EEA1: variants seen among roughly 807,000 people sequenced by gnomAD.
The protein encoded by EEA1 is early endosome antigen 1, 162kD.
EEA1 carries 111 observed loss-of-function variants against 209.2 expected under a neutral mutation model. That is an observed-to-expected ratio of 0.53 (90% CI 0.45 to 0.62). The LOEUF is 0.62. EEA1 is among the 20% of genes least tolerant of loss of function. The probability of loss-of-function intolerance (pLI) is 0.00; values close to 1 mark genes in which losing one functional copy is unlikely to be tolerated. For missense variants in EEA1, 1,343 were observed against 1,530.8 expected (o/e 0.88, Z 2.05); for synonymous variants, 536 against 540.6 (o/e 0.99, Z 0.12).
intron 1 of EEA1, 109 bp from the exon 2 acceptor site, chr12:92,891,830 T>C: frequency 1.4e-6 from 1 of 713,326 alleles, no homozygotes; most frequent in Non-Finnish European, 2.3e-6. Context: ...TAGATGTCTT[T>C]ACAATAATAA....
At chr12:92,801,085 G>A (rs1244904748) in intron 20 of EEA1, among the ~76,000 whole-genome samples, 1 of 152,084 alleles carries the variant, frequency 6.6e-6, no homozygotes, top group Non-Finnish European at 1.5e-5. Flanking sequence ...TTGCTTGTCT[G>A]TTTTTGCTGG....
In EEA1 at chr12:92,802,628, A is replaced by C; in HGVS notation, c.2446T>G (p.Phe816Val). The C allele has an allele frequency of 6.2e-7, 1 of 1,605,292 alleles. No homozygotes were observed. The highest frequency in any genetic ancestry group is 8.5e-7 in the Non-Finnish European group (1 of 1,177,492). ...EEEKKILKQD[F>V]ETLSQETKIQ... is the part of the protein sequence containing the mutation. ...TTTGTTTCTTGACTTAAAGTTTCAAAATCTTGTTTCAGGATTTTTTTTTCT... is the reference window on the plus strand; with the variant it reads ...TTTGTTTCTTGACTTAAAGTTTCAACATCTTGTTTCAGGATTTTTTTTTCT... The change falls in exon 19 of 29, where the codon TTT (phenylalanine) becomes GTT (valine). Residue 816 changes from phenylalanine to valine, a missense_variant. Physicochemically the swap from Phe to Val is conservative, Grantham distance 50. Transcript: ENST00000322349.
Position 92,816,156 on chromosome 12 carries a change from G to A in EEA1, c.1929+44C>T, listed in dbSNP as rs144188097. 1.2e-3 allele frequency: 1,757 copies of A among 1,514,206 alleles called. 18 individuals are homozygous for A. The African/African-American group carries it at 0.021, about 18-fold the overall frequency. The allele number at this position is 1,514,206 out of a possible 1,614,324, so 93.8% of individuals were successfully genotyped here. ...AGAAACAGAATTTAAAACATTTGAC[G>A]GTCTAAAACTGGTGCTTTACACAAA... On this transcript the variant is annotated intron_variant, in intron 15 of 28. Transcript: ENST00000322349.
intron 20 of EEA1, 111 bp downstream of exon 20, chr12:92,801,489 A>AT (rs1874905231): frequency 1.5e-6 from 1 of 663,518 alleles, no homozygotes; most frequent in Admixed American, 3.7e-5. Context: ...CTATAAAAAA[A>AT]AATTATCTGT....
At position 92,813,071 on chromosome 12, in the gene EEA1, A is replaced by C; in HGVS notation, c.1952T>G (p.Leu651Ter). The change falls in exon 16 of 29, where the codon TTA becomes TGA. Residue 651 changes from leucine (L) to a stop codon, truncating the protein, a stop_gained. Transcript: ENST00000322349. LOFTEE classifies it high-confidence loss of function. ...DIQIKAKTEL[L>*]LSAEAAKTAQ... ...AGTTTTTGCTGCTTCTGCTGATAGTAATAGTTCGGTTTTGGCTTTAATCTG... is the reference window on the plus strand; with the variant it reads ...AGTTTTTGCTGCTTCTGCTGATAGTCATAGTTCGGTTTTGGCTTTAATCTG... 6.3e-7 allele frequency: 1 copy of C among 1,590,926 alleles called. No individual in the cohort carries two copies. The highest frequency in any genetic ancestry group is 8.6e-7 in the Non-Finnish European group (1 of 1,164,402).
chr12:92,776,137 T>TA lies in EEA1; in HGVS notation c.4114-5dup. On this transcript the variant is annotated splice_region_variant and splice_polypyrimidine_tract_variant and intron_variant, in intron 28 of 28. Coordinates refer to ENST00000322349, the MANE Select transcript of EEA1 (RefSeq NM_003566.4). ...TTCCACACTGTCGGCAGTGATGCTGTAAATGACAAAAATTAAACAATTTCA... is the reference window on the plus strand; with the variant it reads ...TTCCACACTGTCGGCAGTGATGCTGTAAAATGACAAAAATTAAACAATTTCA... 2 of 1,599,848 alleles carry TA rather than the reference T, an allele frequency of 1.3e-6. No homozygotes were observed. Among genetic ancestry groups the TA allele is most frequent in the Non-Finnish European group, 1.7e-6 (2 of 1,173,182 alleles).
chr12:92,927,712 G>A (rs1565867123), intron 1 of EEA1, among the ~76,000 whole-genome samples: 6 of 152,212 alleles, frequency 3.9e-5, no homozygotes, highest in Non-Finnish European at 7.3e-5. Flanking sequence ...CCTAAAGCCT[G>A]AAAGTAAATC....
At chr12:92,854,681 G>C (rs1218953869) in intron 5 of EEA1, among the ~76,000 whole-genome samples, 1 of 152,200 alleles carries the variant, frequency 6.6e-6, no homozygotes, top group Non-Finnish European at 1.5e-5. Flanking sequence ...ATTGGCCTTA[G>C]ATCTTTGAGT....
intron 9 of EEA1, among the ~76,000 whole-genome samples, chr12:92,843,873 G>A (rs1437801880): frequency 6.6e-6 from 1 of 152,040 alleles, no homozygotes; most frequent in African/African-American, 2.4e-5. Context: ...ATCTCAGAAG[G>A]CTACTAACTT....
intron 2 of EEA1, among the ~76,000 whole-genome samples, chr12:92,868,060 G>T (rs1371934457): frequency 6.6e-6 from 1 of 152,150 alleles, no homozygotes; most frequent in Non-Finnish European, 1.5e-5. Flanking sequence ...AGAATGAAGG[G>T]CAGGGGCACA....
At chr12:92,820,877 C>A (rs1161712334) in intron 13 of EEA1, among the ~76,000 whole-genome samples, 1 of 152,026 alleles carries the variant, frequency 6.6e-6, no homozygotes, top group African/African-American at 2.4e-5. Context: ...CACCCCTCAC[C>A]CTGCCCTGGT....
rs753523643 is a variant in EEA1, at chr12:92,787,842, T to C, written c.3150+25A>G. ...ATGTCTATAAAACTTACTGAGACTT[T>C]ATGGTACAGTATAGTTTACTATACC... is the stretch of plus-strand genomic sequence containing the variant. On this transcript the variant is annotated intron_variant, in intron 22 of 28. Transcript: ENST00000322349. 42 of 1,468,276 alleles carry C rather than the reference T, an allele frequency of 2.9e-5. 2 individuals carry two copies. In the South Asian group the frequency reaches 5.6e-4, roughly 19 times the overall value. The allele number at this position is 1,468,276 out of a possible 1,614,324, so 91.0% of individuals were successfully genotyped here.
chr12:92,844,027 T>C (rs139806415), intron 9 of EEA1, among the ~76,000 whole-genome samples: 118 of 152,246 alleles, frequency 7.8e-4, no homozygotes, highest in African/African-American at 2.7e-3. Flanking sequence ...TGATTCTAAG[T>C]TTTGGAAACC....
rs1369623785 is a variant in EEA1, at chr12:92,929,286, G to A, written c.-220C>T. ...GCGAGCGAACGACTAGGCAGCCTGC[G>A]AGCGCCTCCAGCCCGCCCGCCGGGC... On this transcript the variant is annotated 5_prime_UTR_variant, in exon 1 of 29. Coordinates refer to ENST00000322349, the MANE Select transcript of EEA1 (RefSeq NM_003566.4). 7.8e-6 allele frequency: 3 copies of A among 383,264 alleles called. No individual in the cohort carries two copies. Among genetic ancestry groups the A allele is most frequent in the Non-Finnish European group, 1.4e-5 (3 of 215,030 alleles). The allele number at this position is 383,264 out of a possible 1,614,324, so 23.7% of individuals were successfully genotyped here.
At chr12:92,841,375 A>G (rs1442529837) in intron 10 of EEA1, among the ~76,000 whole-genome samples, 4 of 152,206 alleles carry the variant, frequency 2.6e-5, no homozygotes, top group Admixed American at 2.6e-4. Flanking sequence ...TAAGAAAACA[A>G]AAGAAAAGCT....
chr12:92,879,447 T>C (rs760589807), intron 2 of EEA1: 2 of 380,232 alleles, frequency 5.3e-6, no homozygotes, highest in Middle Eastern at 7.4e-4. Flanking sequence ...AAAATCAATG[T>C]AAATCTTCAC....
intron 1 of EEA1, among the ~76,000 whole-genome samples, chr12:92,923,220 C>A (rs938499426): frequency 2.0e-5 from 3 of 151,726 alleles, no homozygotes; most frequent in Non-Finnish European, 4.4e-5. Context: ...CGGTGGTGGG[C>A]GCCTGTAGTC....
intron 2 of EEA1, among the ~76,000 whole-genome samples, chr12:92,870,526 G>A (rs1259033320): frequency 6.6e-6 from 1 of 152,144 alleles, no homozygotes; most frequent in Non-Finnish European, 1.5e-5. Flanking sequence ...TGTTACTTAT[G>A]AGAGTATGTC....
chr12:92,928,917 G>T, intron 1 of EEA1, 126 bp downstream of exon 1: 3 of 958,252 alleles, frequency 3.1e-6, no homozygotes, highest in Non-Finnish European at 3.0e-6. Flanking sequence ...CGAGGCCTAA[G>T]CGCCTGCCGG....
Sources: allele counts gnomAD v4.1 joint callset (sites outside exome capture counted in the v4.1 genomes callset), GRCh38; gene constraint gnomAD v4.1.1; transcripts MANE v1.5; gene names NCBI Gene and HGNC (gene_info 2026-07-23, HGNC 2026-07-21).